Variants in DAPK1 observed in about 807,000 individuals in gnomAD.
DAPK1 encodes death associated protein kinase 1.
Under a neutral mutation model 144.9 loss-of-function variants are expected in DAPK1, and 56 were observed. That is an observed-to-expected ratio of 0.39 (90% CI 0.31 to 0.48). The LOEUF (loss-of-function observed/expected upper bound fraction) is 0.48, where lower values mean the gene tolerates loss of function less well. Ranked by LOEUF, DAPK1 falls within the 20% of genes least tolerant of loss-of-function variation. The pLI, the probability that DAPK1 is intolerant of heterozygous loss-of-function variation, is 0.95. For missense variants in DAPK1, 1,454 were observed against 1,875.4 expected, an observed-to-expected ratio of 0.78 and a Z score of 4.15; for synonymous variants, 690 against 749.0, an observed-to-expected ratio of 0.92 and a Z score of 1.29.
intron 3 of DAPK1, among the ~76,000 whole-genome samples, chr9:87,633,558 G>A (rs1253696973): frequency 2.0e-5 from 3 of 152,084 alleles, no homozygotes; most frequent in Non-Finnish European, 4.4e-5. Flanking sequence ...AAACTAAGAG[G>A]ATCAACTAGT....
intron 2 of DAPK1, among the ~76,000 whole-genome samples, chr9:87,575,928 A>G (rs1293331677): frequency 6.6e-6 from 1 of 152,242 alleles, no homozygotes; most frequent in African/African-American, 2.4e-5. Context: ...GATAGAATTT[A>G]TACCTCATGG....
At chr9:87,669,345 G>C (rs375171527) in intron 19 of DAPK1, among the ~76,000 whole-genome samples, 1 of 50,164 alleles carries the variant, frequency 2.0e-5, no homozygotes, top group South Asian at 6.2e-4. Flanking sequence ...GCTTGGGGTG[G>C]GGGGGGGTCA....
chr9:87,569,747 A>G lies in DAPK1; in HGVS notation c.63-35207A>G, dbSNP rs544350723. Among the ~76,000 whole-genome samples the G allele has an allele frequency of 4.6e-5, 7 of 152,300 alleles. No homozygotes were observed. The East Asian group carries it at 1.4e-3, about 29-fold the overall frequency. On this transcript the variant is annotated intron_variant, in intron 2 of 25. Coordinates refer to ENST00000408954, the MANE Select transcript of DAPK1 (RefSeq NM_004938.4). ...CCTACGAGAGGTCTTCCAGTCCATT[A>G]ATCTTGTGTTAAGTTTCTTGGCTGG... is the stretch of plus-strand genomic sequence containing the variant.
chr9:87,596,137 A>C (rs1160900861), intron 2 of DAPK1, among the ~76,000 whole-genome samples: 1 of 152,114 alleles, frequency 6.6e-6, no homozygotes, highest in Admixed American at 6.5e-5. Flanking sequence ...GTTCCCATAC[A>C]GGGTTTGCCT....
chr9:87,507,076 G>A (rs1030602097), intron 2 of DAPK1: 10 of 152,200 alleles, frequency 6.6e-5, no homozygotes, highest in African/African-American at 2.4e-4. Context: ...ACTAATCTCT[G>A]GAGATACCTG....
At chr9:87,604,459 A>G (rs1362820695) in intron 2 of DAPK1, among the ~76,000 whole-genome samples, 1 of 152,238 alleles carries the variant, frequency 6.6e-6, no homozygotes, top group Non-Finnish European at 1.5e-5. Flanking sequence ...TTAATTATAA[A>G]CAAAATAATA....
At chr9:87,561,149 T>G (rs926048974) in intron 2 of DAPK1, among the ~76,000 whole-genome samples, 4 of 152,196 alleles carry the variant, frequency 2.6e-5, no homozygotes, top group Non-Finnish European at 5.9e-5. Context: ...ATATATTAGA[T>G]GAGGAGCCGT....
chr9:87,605,573 TTA>T (rs1828688482), intron 3 of DAPK1, among the ~76,000 whole-genome samples: 1 of 152,236 alleles, frequency 6.6e-6, no homozygotes, highest in Admixed American at 6.5e-5. Flanking sequence ...TCTGTTCTCT[TTA>T]TCTCTTCCCC....
chr9:87,556,672 C>T (rs1003537224), intron 2 of DAPK1, among the ~76,000 whole-genome samples: 1 of 152,188 alleles, frequency 6.6e-6, no homozygotes, highest in Non-Finnish European at 1.5e-5. Flanking sequence ...AGGTCTTTCA[C>T]TTGTGATCAT....
chr9:87,577,658 C>T (rs1016019159), intron 2 of DAPK1, among the ~76,000 whole-genome samples: 7 of 152,050 alleles, frequency 4.6e-5, no homozygotes, highest in South Asian at 2.1e-4. Context: ...GTTAACTGGG[C>T]GTGGTGATGC....
intron 22 of DAPK1, 57 bp from the exon 23 acceptor site, chr9:87,698,599 G>T: frequency 8.5e-7 from 1 of 1,172,610 alleles, no homozygotes; most frequent in Non-Finnish European, 1.3e-6. Flanking sequence ...ACCTGGGCAG[G>T]AGAGGCAGCC....
chr9:87,521,794 A>G (rs1371564043), intron 2 of DAPK1, among the ~76,000 whole-genome samples: 1 of 152,226 alleles, frequency 6.6e-6, no homozygotes, highest in South Asian at 2.1e-4. Flanking sequence ...CTCATGTTCA[A>G]ACTTAATCTC....
intron 19 of DAPK1, among the ~76,000 whole-genome samples, chr9:87,671,330 G>A (rs1192243427): frequency 6.6e-6 from 1 of 151,694 alleles, no homozygotes; most frequent in African/African-American, 2.4e-5. Flanking sequence ...TAAAAGAGAT[G>A]GGAAGTGAAC....
chr9:87,544,073 T>C (rs963871578), intron 2 of DAPK1, among the ~76,000 whole-genome samples: 1 of 152,214 alleles, frequency 6.6e-6, no homozygotes, highest in Non-Finnish European at 1.5e-5. Flanking sequence ...ATATGTTAGC[T>C]TAACTTTAAC....
At chr9:87,674,505 ACT>A (rs1177346518) in intron 19 of DAPK1, among the ~76,000 whole-genome samples, 2 of 112,648 alleles carry the variant, frequency 1.8e-5, no homozygotes, top group Non-Finnish European at 3.5e-5. Context: ...ACAGAGTAAG[ACT>A]CTGTCTCAAA....
chr9:87,604,842 T>C (rs897138379), intron 2 of DAPK1, 112 bp from the exon 3 acceptor site: 3 of 913,966 alleles, frequency 3.3e-6, no homozygotes, highest in African/African-American at 3.3e-5. Context: ...CTTTCCACAA[T>C]TGGAACTTTC....
chr9:87,583,683 TCTC>T (rs140137996), intron 2 of DAPK1, among the ~76,000 whole-genome samples: 3,386 of 152,090 alleles, frequency 0.022, 60 homozygotes, highest in Non-Finnish European at 0.038. Flanking sequence ...CCAGCCACCT[TCTC>T]CTCTACTGCA....
At chr9:87,702,272 T>G (rs945966024) in intron 24 of DAPK1, among the ~76,000 whole-genome samples, 7 of 152,190 alleles carry the variant, frequency 4.6e-5, no homozygotes, top group Non-Finnish European at 8.8e-5. Flanking sequence ...TGGTTTCTAA[T>G]TCAGAGGTAT....
chr9:87,527,655 T>C (rs553038513), intron 2 of DAPK1, among the ~76,000 whole-genome samples: 1 of 152,362 alleles, frequency 6.6e-6, no homozygotes, highest in African/African-American at 2.4e-5. Context: ...GTGTGCAAAA[T>C]TGTCTTCCAT....
Sources: allele counts gnomAD v4.1 joint callset (sites outside exome capture counted in the v4.1 genomes callset), GRCh38; gene constraint gnomAD v4.1.1; transcripts MANE v1.5; gene names NCBI Gene and HGNC (gene_info 2026-07-23, HGNC 2026-07-21).